OR5BS1: variants seen among roughly 807,000 people sequenced by gnomAD.
OR5BS1 encodes the protein olfactory receptor 5BS1.
At chr12:48,560,246 G>A in the OR5BS1 span, 4 of 401,108 alleles carry the variant, frequency 1.0e-5, no homozygotes, top group Middle Eastern at 3.1e-4. Flanking sequence ...GCCTATGACC[G>A]GTTTCAGGCC....
At chr12:48,559,947 G>C in the OR5BS1 span, 1 of 401,822 alleles carries the variant, frequency 2.5e-6, no homozygotes, top group Non-Finnish European at 4.4e-6. Flanking sequence ...ACAACCCTCA[G>C]GTTCAGGCAC....
At chr12:48,561,688 C>A in the OR5BS1 span, among the ~76,000 whole-genome samples, 4 of 152,082 alleles carry the variant, frequency 2.6e-5, no homozygotes, top group Non-Finnish European at 5.9e-5. Flanking sequence ...TTCTCACCTG[C>A]CTGTGATTCA....
At chr12:48,560,655 G>A in the OR5BS1 span, 1 of 401,138 alleles carries the variant, frequency 2.5e-6, no homozygotes, top group Admixed American at 4.4e-5. Context: ...GAGTTCTCAG[G>A]TATGTCATAC....
the OR5BS1 span, chr12:48,560,675 G>A: frequency 2.5e-6 from 1 of 400,882 alleles, no homozygotes. Flanking sequence ...CTATACCCCT[G>A]AATATAAATG....
chr12:48,561,959 T>TA, the OR5BS1 span, among the ~76,000 whole-genome samples: 24 of 151,630 alleles, frequency 1.6e-4, no homozygotes, highest in Non-Finnish European at 3.2e-4. Flanking sequence ...CTATTTTTTT[T>TA]ATAACCAAAC....
At chr12:48,560,908 G>A in the OR5BS1 span, among the ~76,000 whole-genome samples, 4 of 152,104 alleles carry the variant, frequency 2.6e-5, no homozygotes, top group African/African-American at 9.7e-5. Flanking sequence ...TTGGAGACCA[G>A]CCTGGTCAAC....
chr12:48,561,500 A>G, the OR5BS1 span, among the ~76,000 whole-genome samples: 7 of 152,200 alleles, frequency 4.6e-5, no homozygotes, highest in African/African-American at 1.7e-4. Flanking sequence ...CAGCAGTCCC[A>G]GAACAAGCTA....
the OR5BS1 span, chr12:48,560,354 T>C: frequency 2.5e-6 from 1 of 401,504 alleles, no homozygotes; most frequent in Non-Finnish European, 4.4e-6. Context: ...ACTGGCCTAA[T>C]TAACACCCTC....
the OR5BS1 span, chr12:48,560,146 G>A: frequency 5.0e-6 from 2 of 401,372 alleles, no homozygotes; most frequent in Non-Finnish European, 8.8e-6. Context: ...TCTTTCTAAG[G>A]GGGAGACAAT....
At chr12:48,560,557 C>T in the OR5BS1 span, 2 of 401,890 alleles carry the variant, frequency 5.0e-6, no homozygotes, top group Non-Finnish European at 8.8e-6. Context: ...CATGACAGCC[C>T]TGAGGATCAA....
chr12:48,559,887 A>G, the OR5BS1 span: 1 of 401,366 alleles, frequency 2.5e-6, no homozygotes, highest in Non-Finnish European at 4.4e-6. Context: ...GCTCCATGGA[A>G]GTCAGCAACA....
At chr12:48,561,147 T>C in the OR5BS1 span, among the ~76,000 whole-genome samples, 9 of 151,870 alleles carry the variant, frequency 5.9e-5, no homozygotes, top group African/African-American at 2.2e-4. Flanking sequence ...GAGGCTTCAA[T>C]TGTCCATTCT....
the OR5BS1 span, among the ~76,000 whole-genome samples, chr12:48,560,887 G>T: frequency 6.6e-6 from 1 of 152,098 alleles, no homozygotes; most frequent in Non-Finnish European, 1.5e-5. Flanking sequence ...TGGATCACTT[G>T]AGCCCAGGAG....
the OR5BS1 span, chr12:48,560,185 T>A: frequency 2.5e-6 from 1 of 401,236 alleles, no homozygotes; most frequent in African/African-American, 2.1e-5. Context: ...CACTCAGATC[T>A]CCCTGGTCAT....
the OR5BS1 span, chr12:48,560,749 A>T: frequency 1.5e-5 from 6 of 398,538 alleles, no homozygotes; most frequent in Non-Finnish European, 2.7e-5. Context: ...ATAGCAGGAC[A>T]TTCAAAAGGC....
At chr12:48,562,895 G>A in the OR5BS1 span, 1 of 401,782 alleles carries the variant, frequency 2.5e-6, no homozygotes, top group Non-Finnish European at 4.4e-6. Flanking sequence ...AGTCTGAAGA[G>A]CCAGGAGGTA....
At chr12:48,562,206 A>G in the OR5BS1 span, among the ~76,000 whole-genome samples, 1 of 152,224 alleles carries the variant, frequency 6.6e-6, no homozygotes, top group Non-Finnish European at 1.5e-5. Flanking sequence ...TGCAACTAAA[A>G]GGGCAAATGT....
chr12:48,561,729 A>G, the OR5BS1 span, among the ~76,000 whole-genome samples: 6 of 152,302 alleles, frequency 3.9e-5, no homozygotes, highest in East Asian at 1.2e-3. Flanking sequence ...ATGGATGGTA[A>G]GAATAGCCCA....
chr12:48,561,904 T>C, the OR5BS1 span, among the ~76,000 whole-genome samples: 1 of 152,186 alleles, frequency 6.6e-6, no homozygotes, highest in Non-Finnish European at 1.5e-5. Context: ...TTCATAGAAA[T>C]GTTAGAAAGA....
Sources: gnomAD v4.1 joint callset for allele counts (sites outside exome capture counted in the v4.1 genomes callset) on GRCh38, gnomAD v4.1.1 for gene constraint, MANE v1.5 for transcripts, NCBI Gene and HGNC (gene_info 2026-07-23, HGNC 2026-07-21) for gene names.